The following KNDC1 variants were observed in gnomAD, a reference collection of about 807,000 sequenced individuals.
The protein encoded by KNDC1 is kinase non-catalytic C-lobe domain containing 1, also known as kinase non-catalytic C-lobe domain-containing protein 1.
A neutral mutation model predicts 172.8 loss-of-function variants in KNDC1; 106 were observed. The ratio of observed to expected loss-of-function variants is 0.61; its 90% CI spans 0.52 to 0.72. KNDC1 has a LOEUF of 0.72. Ranked by LOEUF, KNDC1 falls within the 30% of genes least tolerant of loss-of-function variation. KNDC1 has a pLI of 0.00. For synonymous variants in KNDC1, 1,083 were observed against 1,062.2 expected, an observed-to-expected ratio of 1.02 and a Z score of -0.38; for missense variants, 2,325 against 2,394.5, an observed-to-expected ratio of 0.97 and a Z score of 0.61.
At chr10:133,183,741 CAA>C in intron 4 of KNDC1, 129 bp from the exon 5 acceptor site, 3 of 838,000 alleles carry the variant, frequency 3.6e-6, no homozygotes, top group South Asian at 3.7e-5. Flanking sequence ...AGAAAATGGG[CAA>C]GGCAGGCGCA....
chr10:133,200,344 G>A (rs1319894224), intron 15 of KNDC1, 31 bp from the exon 16 acceptor site: 1 of 1,538,332 alleles, frequency 6.5e-7, no homozygotes. Flanking sequence ...AGTGGGCGGA[G>A]GTGGGGACTG....
At position 133,223,931 on chromosome 10, in the gene KNDC1, C is replaced by T. The variant is rs545991707; in HGVS notation, c.5019-728C>T. Among the ~76,000 whole-genome samples, 156 of 119,576 alleles carry T rather than the reference C, an allele frequency of 1.3e-3. 1 individual carries two copies. Among genetic ancestry groups the T allele is most frequent in the Admixed American group, 2.2e-3 (25 of 11,258 alleles). The allele number at this position is 119,576 out of a possible 152,430, so 78.4% of individuals were successfully genotyped here. On this transcript the variant is annotated intron_variant, in intron 29 of 29. Coordinates refer to ENST00000304613, the MANE Select transcript of KNDC1 (RefSeq NM_152643.8). ...TGAGCCCATCCAGGCATGCTCTTCCCGGCGTGTGTGTGTGTGTGTGAGCCC... is the reference window on the plus strand; with the variant it reads ...TGAGCCCATCCAGGCATGCTCTTCCTGGCGTGTGTGTGTGTGTGTGAGCCC...
In KNDC1 at chr10:133,199,405, A is replaced by G. The variant is rs765460021; in HGVS notation, c.2759-53A>G. ...CCGTTTCATCAGCCACAAGGGAACC[A>G]GATGAGCAGCCCTGCCACCATCTCA... On this transcript the variant is annotated intron_variant, in intron 14 of 29. Coordinates refer to ENST00000304613, the MANE Select transcript of KNDC1 (RefSeq NM_152643.8). The G allele has an allele frequency of 5.6e-6, 9 of 1,596,466 alleles. No homozygotes were observed. In the African/African-American group the frequency reaches 1.2e-4, roughly 21 times the overall value.
chr10:133,174,368 G>A (rs543800417), intron 3 of KNDC1: 8 of 151,924 alleles, frequency 5.3e-5, no homozygotes, highest in East Asian at 1.9e-4. Flanking sequence ...AAGGAAGGGC[G>A]GTGAAGATGG....
At position 133,211,431 on chromosome 10, in the gene KNDC1, G is replaced by C. The variant is rs1475550004; in HGVS notation, c.3918G>C (p.Gln1306His). 1.9e-6 allele frequency: 3 copies of C among 1,612,876 alleles called. No individual in the cohort carries two copies. The highest frequency in any genetic ancestry group is 3.3e-5 in the Admixed American group (2 of 59,942). The change falls in exon 22 of 30, where the codon CAG becomes CAC. Residue 1306 changes from glutamine (Q) to histidine (H), a missense_variant. Physicochemically the swap from Gln to His is conservative, Grantham distance 24 (BLOSUM62 0). Coordinates refer to ENST00000304613, the MANE Select transcript of KNDC1 (RefSeq NM_152643.8). ...RINSTLTRAH[Q>H]DPTSTFTKIY... ...TCCCCTGCGTCTCCAGGGCCCACCAGGACCCCACCTCGACCTTCACCAAGA... is the reference window on the plus strand; with the variant it reads ...TCCCCTGCGTCTCCAGGGCCCACCACGACCCCACCTCGACCTTCACCAAGA...
chr10:133,224,901 G>A lies in KNDC1; in HGVS notation c.*11G>A. 1.3e-6 allele frequency: 2 copies of A among 1,599,988 alleles called. No individual in the cohort carries two copies. Among genetic ancestry groups the A allele is most frequent in the Non-Finnish European group, 1.7e-6 (2 of 1,168,364 alleles). On this transcript the variant is annotated 3_prime_UTR_variant, in exon 30 of 30. Coordinates refer to ENST00000304613, the MANE Select transcript of KNDC1 (RefSeq NM_152643.8). This position sits in a 1 kb window ranked among gnomAD's most constrained non-coding sequence, Gnocchi z 5.4. The stretch of plus-strand genomic sequence containing the variant: ...GCTACATTCCAGTAGCCGAGCTCGG[G>A]CCTGGTGTGGAATTCCAGATCCGAA...
intron 28 of KNDC1, among the ~76,000 whole-genome samples, chr10:133,219,488 G>A (rs1845536769): frequency 6.6e-6 from 1 of 152,232 alleles, no homozygotes; most frequent in Non-Finnish European, 1.5e-5. Context: ...ACTCAGACGA[G>A]TCCCAGAGCA....
At chr10:133,195,562 CAGTGCCTGGGTGCCCCTCAG>C (rs1023738629) in intron 9 of KNDC1, 81 bp from the exon 10 acceptor site, 1 of 1,160,284 alleles carries the variant, frequency 8.6e-7, no homozygotes, top group African/African-American at 1.6e-5. Context: ...TCTGTGGGGG[CAGTGCCTGGGTGCCCCTCAG>C]GGTGCCTGAG....
In KNDC1 at chr10:133,211,560, C is replaced by T. The variant is rs376815570; in HGVS notation, c.4047C>T (p.Ile1349=). 2.7e-5 allele frequency: 44 copies of T among 1,613,594 alleles called. No individual in the cohort carries two copies. The highest frequency in any genetic ancestry group is 3.6e-5 in the Non-Finnish European group (43 of 1,179,754). ...SGLLGKLEDF[I]SSKILPLDGS... ...TGCTGGGGAAGCTAGAGGACTTCAT[C>T]TCCTCCAAGGTGACAGTGGCGCTGA... The change falls in exon 22 of 30, where the codon ATC becomes ATT. Residue 1349 remains isoleucine (I), a synonymous_variant. Coordinates refer to ENST00000304613, the MANE Select transcript of KNDC1 (RefSeq NM_152643.8).
chr10:133,216,278 C>G (rs995106965), intron 26 of KNDC1, among the ~76,000 whole-genome samples: 1 of 151,618 alleles, frequency 6.6e-6, no homozygotes, highest in African/African-American at 2.4e-5. Flanking sequence ...AATGGGGGGT[C>G]GGTGGTTCCG....
At chr10:133,172,535 C>T (rs1175827313) in intron 3 of KNDC1, among the ~76,000 whole-genome samples, 1 of 152,164 alleles carries the variant, frequency 6.6e-6, no homozygotes, top group Non-Finnish European at 1.5e-5. Flanking sequence ...ATGTTTTCAC[C>T]GGCCTCAGGA....
chr10:133,204,021 T>C (rs1854453801), intron 17 of KNDC1, among the ~76,000 whole-genome samples: 1 of 152,074 alleles, frequency 6.6e-6, no homozygotes. Context: ...TCCCAGGAGA[T>C]TTTCTCGACA....
In KNDC1 at chr10:133,220,122, GGC is replaced by G. The variant is rs1435158579; in HGVS notation, c.5018+11_5018+12del. On this transcript the variant is annotated intron_variant, in intron 29 of 29. Coordinates refer to ENST00000304613, the MANE Select transcript of KNDC1 (RefSeq NM_152643.8). ...GGTGGAGCAAGCTCAGGTGAGGAGGGGCTCAGGCGGCCGCGCGCCCAGGAGAG... is the reference window on the plus strand; with the variant it reads ...GGTGGAGCAAGCTCAGGTGAGGAGGGTCAGGCGGCCGCGCGCCCAGGAGAG... The G allele has an allele frequency of 6.6e-7, 1 of 1,517,950 alleles. No individual in the cohort carries two copies. Among genetic ancestry groups the G allele is most frequent in the Non-Finnish European group, 8.9e-7 (1 of 1,121,996 alleles). 94.0% of individuals were successfully genotyped at this position (1,517,950 alleles called of 1,614,324 possible).
At position 133,199,083 on chromosome 10, in the gene KNDC1, A is replaced by G. The variant is rs761459678; in HGVS notation, c.2575A>G (p.Ser859Gly). The G allele has an allele frequency of 1.9e-6, 3 of 1,608,270 alleles. No individual in the cohort carries two copies. The East Asian group carries it at 6.7e-5, about 36-fold the overall frequency. ...ATPAGERDDQSPDSVPERPRP... is the reference protein window; with the variant it reads ...ATPAGERDDQGPDSVPERPRP... ...CCCTGCCGGGGAACGTGATGACCAG[A>G]GTCCAGACAGTGTCCCAGAGAGGCC... is the stretch of plus-strand genomic sequence containing the variant. The change falls in exon 14 of 30, where the codon AGT becomes GGT. Residue 859 changes from serine to glycine, a missense_variant. Ser to Gly is a moderately conservative substitution (Grantham distance 56, BLOSUM62 0). Transcript: ENST00000304613.
At position 133,206,069 on chromosome 10, in the gene KNDC1, G is replaced by T. The variant is rs11101636; in HGVS notation, c.3388-616G>T. Among the ~76,000 whole-genome samples, 6 of 152,080 alleles carry T rather than the reference G, an allele frequency of 3.9e-5. No individual in the cohort carries two copies. In the East Asian group the frequency reaches 1.2e-3, roughly 30 times the overall value. ...TACAAAATTAGCCGGGCATGGTGGT[G>T]CATGCCTGTAATCCCAGCTACTCGG... On this transcript the variant is annotated intron_variant, in intron 17 of 29. Coordinates refer to ENST00000304613, the MANE Select transcript of KNDC1 (RefSeq NM_152643.8).
In KNDC1 at chr10:133,164,026, G is replaced by A. The variant is rs542417031; in HGVS notation, c.103-3355G>A. 3.2e-4 allele frequency among the ~76,000 whole-genome samples: 39 copies of A among 122,136 alleles called. 11 individuals are homozygous for A. Among genetic ancestry groups the A allele is most frequent in the Admixed American group, 7.8e-4 (9 of 11,502 alleles). 80.1% of individuals were successfully genotyped at this position (122,136 alleles called of 152,430 possible). A position where few individuals can be genotyped will look rare whatever the true frequency, so the allele number is the denominator to read the frequency against. On this transcript the variant is annotated intron_variant, in intron 1 of 29. Transcript: ENST00000304613. ...TCCTCCCACGTGGGATGGGGGTGGA[G>A]TTCATGTCCACCTGCCTTCCCAAAT...
At position 133,195,812 on chromosome 10, in the gene KNDC1, G is replaced by A. The variant is rs1854175333; in HGVS notation, c.1725G>A (p.Glu575=). The A allele has an allele frequency of 6.4e-7, 1 of 1,561,508 alleles. No individual in the cohort carries two copies. Among genetic ancestry groups the A allele is most frequent in the Non-Finnish European group, 8.7e-7 (1 of 1,154,220 alleles). ...CCCCGGAGCGGCCGTCCGCGGCTGAGGCCATCAAGGTAACCACACCACAGT... is the reference window on the plus strand; with the variant it reads ...CCCCGGAGCGGCCGTCCGCGGCTGAAGCCATCAAGGTAACCACACCACAGT... ...RSAPERPSAA[E]AIKVCGSYLL... Residue 575 remains glutamate (E), a synonymous_variant, in exon 10 of 30, where the codon GAG becomes GAA. Transcript: ENST00000304613.
intron 5 of KNDC1, among the ~76,000 whole-genome samples, chr10:133,185,768 G>T (rs1233238485): frequency 1.4e-5 from 2 of 141,412 alleles, no homozygotes; most frequent in Non-Finnish European, 3.1e-5. Flanking sequence ...GATGAGTGGG[G>T]CAGGAGAGGA....
intron 29 of KNDC1, among the ~76,000 whole-genome samples, chr10:133,222,489 CGGTGTGTGTGTGTGTGTGTG>C (rs1845621243): frequency 2.6e-5 from 1 of 38,440 alleles, no homozygotes; most frequent in Non-Finnish European, 5.8e-5. Flanking sequence ...ATGCTCTTCC[CGGTGTGTGTGTGTGTGTGTG>C]AGCCCATCCA....
Sources: allele counts gnomAD v4.1 joint callset (sites outside exome capture counted in the v4.1 genomes callset), GRCh38; gene constraint gnomAD v4.1.1; non-coding constraint Gnocchi (gnomAD v3.1); transcripts MANE v1.5; gene names NCBI Gene and HGNC (gene_info 2026-07-23, HGNC 2026-07-21).